The following ADARB2 variants were observed in gnomAD, a reference collection of about 807,000 sequenced individuals.
ADARB2 encodes the protein adenosine deaminase RNA specific B2 (inactive).
In ADARB2, 25 loss-of-function variants were observed where a neutral mutation model predicts 62.2. That is an observed-to-expected ratio of 0.40 (90% CI 0.29 to 0.56). ADARB2 has a LOEUF of 0.56. Ranked by LOEUF, ADARB2 falls within the 20% of genes least tolerant of loss-of-function variation. The probability of loss-of-function intolerance (pLI) is 0.43; values close to 1 mark genes in which losing one functional copy is unlikely to be tolerated. For missense variants in ADARB2, 1,071 were observed against 1,077.4 expected, an observed-to-expected ratio of 0.99 and a Z score of 0.08; for synonymous variants, 572 against 500.8, an observed-to-expected ratio of 1.14 and a Z score of -1.90.
intron 1 of ADARB2, among the ~76,000 whole-genome samples, chr10:1,429,777 A>G (rs1489506949): frequency 1.3e-5 from 2 of 152,114 alleles, no homozygotes; most frequent in African/African-American, 4.8e-5. Flanking sequence ...ATTAGATACA[A>G]TCTTTCTCTT....
At chr10:1,299,555 C>T (rs1831554795) in intron 3 of ADARB2, among the ~76,000 whole-genome samples, 1 of 151,606 alleles carries the variant, frequency 6.6e-6, no homozygotes, top group South Asian at 2.1e-4. Flanking sequence ...GGCTGATCGC[C>T]TGTGTGAGAT....
rs765800300 is a variant in ADARB2 at position 1,271,014 on chromosome 10, G to A, written c.1133C>T (p.Thr378Met). The A allele has an allele frequency of 7.4e-6, 12 of 1,613,688 alleles. No individual in the cohort carries two copies. Among genetic ancestry groups the A allele is most frequent in the African/African-American group, 2.7e-5 (2 of 74,918 alleles). The change falls in exon 4 of 10, where the codon ACG becomes ATG. Residue 378 changes from threonine to methionine, a missense_variant. By Grantham distance (81) the Thr-to-Met change is moderately conservative. Transcript: ENST00000381312. ...GCGGGCGTGCATGGGCGTGAGGTCC[G>A]TCGTCACCTCGCGGAACTTCTGTGT... ...LVTQKFREVTTDLTPMHARHK... is the reference protein window; with the variant it reads ...LVTQKFREVTMDLTPMHARHK...
At chr10:1,382,988 T>C (rs980033645) in intron 1 of ADARB2, among the ~76,000 whole-genome samples, 4 of 152,224 alleles carry the variant, frequency 2.6e-5, no homozygotes, top group Non-Finnish European at 5.9e-5. Context: ...CCGGCCCTGG[T>C]CTAAGAGTCA....
At chr10:1,251,159 T>G (rs1244695044) in intron 4 of ADARB2, among the ~76,000 whole-genome samples, 1 of 151,640 alleles carries the variant, frequency 6.6e-6, no homozygotes, top group Non-Finnish European at 1.5e-5. Context: ...TACCCATAAT[T>G]GCCAAAACTT....
At chr10:1,307,289 C>G (rs1257769689) in intron 3 of ADARB2, among the ~76,000 whole-genome samples, 1 of 92,902 alleles carries the variant, frequency 1.1e-5, no homozygotes, top group African/African-American at 2.9e-5. Flanking sequence ...AAACACTTCT[C>G]AAAAGAAGAC....
At chr10:1,646,088 G>C (rs1834037618) in intron 1 of ADARB2, among the ~76,000 whole-genome samples, 1 of 152,168 alleles carries the variant, frequency 6.6e-6, no homozygotes, top group Non-Finnish European at 1.5e-5. Context: ...GCTCCCAGAG[G>C]GAAGATCCCC....
intron 1 of ADARB2, among the ~76,000 whole-genome samples, chr10:1,659,321 C>T (rs763084257): frequency 4.5e-4 from 68 of 152,178 alleles, no homozygotes; most frequent in Admixed American, 1.2e-3. Context: ...TGGCCTGCCC[C>T]GGGCTCCTCT....
chr10:1,493,863 G>A (rs144345460), intron 1 of ADARB2, among the ~76,000 whole-genome samples: 23,662 of 146,442 alleles, frequency 0.16, 2,229 homozygotes, highest in Middle Eastern at 0.24. Flanking sequence ...GGTTGAAGCG[G>A]TTCTCCCGCC....
At chr10:1,525,300 G>A (rs539031079) in intron 1 of ADARB2, among the ~76,000 whole-genome samples, 2 of 152,288 alleles carry the variant, frequency 1.3e-5, no homozygotes, top group East Asian at 1.9e-4. Flanking sequence ...AATCAAAACT[G>A]TAAAATGATC....
chr10:1,195,397 TTTG>T lies in ADARB2; in HGVS notation c.1864+4566_1864+4568del, dbSNP rs1362492312. 7.5e-3 allele frequency among the ~76,000 whole-genome samples: 989 copies of T among 132,250 alleles called. 22 individuals are homozygous for T. The highest frequency in any genetic ancestry group is 0.033 in the African/African-American group (918 of 27,610). The allele number at this position is 132,250 out of a possible 152,430, so 86.8% of individuals were successfully genotyped here. ...TGTCAATGCTGTACACAGTTTTTTT[TTTG>T]TTTTTTTTTTTTTTAAGATAAGGGT... On this transcript the variant is annotated intron_variant, in intron 8 of 9. Coordinates refer to ENST00000381312, the MANE Select transcript of ADARB2 (RefSeq NM_018702.4).
intron 7 of ADARB2, among the ~76,000 whole-genome samples, chr10:1,208,243 G>C (rs1324799744): frequency 6.6e-6 from 1 of 152,246 alleles, no homozygotes; most frequent in Non-Finnish European, 1.5e-5. Context: ...GCCAGTGCCA[G>C]CCTCCTAGGG....
chr10:1,557,969 T>C (rs952863204), intron 1 of ADARB2, among the ~76,000 whole-genome samples: 1 of 151,042 alleles, frequency 6.6e-6, no homozygotes, highest in African/African-American at 2.5e-5. Flanking sequence ...TCTTCCAGCA[T>C]CTGTGGCTGC....
chr10:1,299,648 G>A (rs973786490), intron 3 of ADARB2, among the ~76,000 whole-genome samples: 2 of 152,176 alleles, frequency 1.3e-5, no homozygotes, highest in African/African-American at 4.8e-5. Context: ...ACTGGTGCAC[G>A]GCTTGGTGCA....
intron 1 of ADARB2, among the ~76,000 whole-genome samples, chr10:1,609,814 C>G (rs142752524): frequency 6.6e-6 from 1 of 152,180 alleles, no homozygotes; most frequent in Non-Finnish European, 1.5e-5. Context: ...CATGACCACG[C>G]GTAGCGTTAG....
chr10:1,605,082 G>A (rs888916398), intron 1 of ADARB2, among the ~76,000 whole-genome samples: 5 of 152,274 alleles, frequency 3.3e-5, no homozygotes, highest in East Asian at 3.9e-4. Flanking sequence ...TCAATTTTTC[G>A]TAGGGATGAT....
At chr10:1,610,557 G>A (rs1411248429) in intron 1 of ADARB2, among the ~76,000 whole-genome samples, 2 of 152,206 alleles carry the variant, frequency 1.3e-5, no homozygotes, top group African/African-American at 2.4e-5. Context: ...GGTGCCTGCC[G>A]GGGTCCTCAT....
chr10:1,221,415 AATTTT>A (rs1830693979), intron 6 of ADARB2, among the ~76,000 whole-genome samples: 1 of 148,458 alleles, frequency 6.7e-6, no homozygotes, highest in Non-Finnish European at 1.5e-5. Flanking sequence ...TTTTTTTTTT[AATTTT>A]ATTATTATTA....
At chr10:1,676,312 A>G (rs1834466045) in intron 1 of ADARB2, among the ~76,000 whole-genome samples, 1 of 152,182 alleles carries the variant, frequency 6.6e-6, no homozygotes. Context: ...GCCCCCACCC[A>G]GAACTGCTGA....
At chr10:1,433,909 A>G (rs1225414121) in intron 1 of ADARB2, among the ~76,000 whole-genome samples, 3 of 152,248 alleles carry the variant, frequency 2.0e-5, no homozygotes, top group Non-Finnish European at 4.4e-5. Context: ...GGTGGACCCT[A>G]TATGGTGGCA....
Sources: gnomAD v4.1 joint callset for allele counts (sites outside exome capture counted in the v4.1 genomes callset) on GRCh38, gnomAD v4.1.1 for gene constraint, MANE v1.5 for transcripts, NCBI Gene and HGNC (gene_info 2026-07-23, HGNC 2026-07-21) for gene names.